The following EGFR variants were observed in gnomAD, a reference collection of about 807,000 sequenced individuals.
The protein encoded by EGFR is epidermal growth factor receptor.
Under a neutral mutation model 143.0 loss-of-function variants are expected in EGFR, and 58 were observed. That is an observed-to-expected ratio of 0.41 (90% confidence interval 0.33 to 0.50). The LOEUF (loss-of-function observed/expected upper bound fraction) is 0.50, where lower values mean the gene tolerates loss of function less well. EGFR is among the 20% of genes least tolerant of loss of function. EGFR has a pLI of 0.39. For synonymous variants in EGFR, 613 were observed against 594.4 expected (o/e 1.03, Z -0.45); for missense variants, 1,307 against 1,579.0 (o/e 0.83, Z 2.92).
chr7:55,045,005 G>A (rs11971773), intron 1 of EGFR, among the ~76,000 whole-genome samples: 7,384 of 152,252 alleles, frequency 0.048, 306 homozygotes, highest in South Asian at 0.16. Flanking sequence ...CATCTAGAAA[G>A]GCATGCAGAC....
Position 55,204,433 on chromosome 7 carries a change from T to C in EGFR, c.3272-823T>C, listed in dbSNP as rs1329885800. Among the ~76,000 whole-genome samples, 11 of 142,058 alleles carry C rather than the reference T, an allele frequency of 7.7e-5. No homozygotes were observed. The Admixed American group carries it at 7.8e-4, about 10-fold the overall frequency. 93.2% of individuals were successfully genotyped at this position (142,058 alleles called of 152,430 possible). A position where few individuals can be genotyped will look rare whatever the true frequency, so the allele number is the denominator to read the frequency against. On this transcript the variant is annotated intron_variant, in intron 27 of 27. Coordinates refer to ENST00000275493, the MANE Select transcript of EGFR (RefSeq NM_005228.5). Reference sequence around the variant, plus strand: ...ACACCACACACCATATGTACACATGTACACACACACCACATATACACACAA... The same window carrying C: ...ACACCACACACCATATGTACACATGCACACACACACCACATATACACACAA...
chr7:55,032,453 C>A (rs556461996), intron 1 of EGFR, among the ~76,000 whole-genome samples: 7 of 152,194 alleles, frequency 4.6e-5, no homozygotes, highest in African/African-American at 1.7e-4. Flanking sequence ...CTATGTAGAA[C>A]GGCACCAGCA....
At chr7:55,175,109 G>A (rs1327294342) in intron 19 of EGFR, among the ~76,000 whole-genome samples, 14 of 152,208 alleles carry the variant, frequency 9.2e-5, no homozygotes, top group Non-Finnish European at 2.1e-4. Flanking sequence ...CTCTTGGTGA[G>A]CCTGGAGCAT....
intron 1 of EGFR, among the ~76,000 whole-genome samples, chr7:55,078,735 G>A (rs567879175): frequency 2.8e-4 from 42 of 152,350 alleles, no homozygotes; most frequent in African/African-American, 9.9e-4. Context: ...GCTGTGCTCA[G>A]GAGGACAGAG....
At chr7:55,120,826 T>C (rs1198905368) in intron 1 of EGFR, among the ~76,000 whole-genome samples, 1 of 152,202 alleles carries the variant, frequency 6.6e-6, no homozygotes, top group African/African-American at 2.4e-5. Flanking sequence ...CCTACAGTTA[T>C]AAAGACATTG....
chr7:55,173,770 T>C, intron 17 of EGFR, 151 bp from the exon 18 acceptor site: 1 of 1,230,398 alleles, frequency 8.1e-7, no homozygotes, highest in Non-Finnish European at 1.2e-6. Flanking sequence ...AGGCGTACAT[T>C]TGTCCTTCCA....
intron 26 of EGFR, among the ~76,000 whole-genome samples, chr7:55,202,173 AAATGTT>A (rs1214466566): frequency 1.3e-5 from 2 of 152,230 alleles, no homozygotes; most frequent in Non-Finnish European, 2.9e-5. Flanking sequence ...ACTTCAACTT[AAATGTT>A]AATGAGTTAA....
intron 19 of EGFR, 24 bp downstream of exon 19, chr7:55,174,844 G>T (rs2128954951): frequency 6.3e-7 from 1 of 1,597,232 alleles, no homozygotes; most frequent in Non-Finnish European, 8.6e-7. Context: ...TTGCTGTGTG[G>T]GGGTCCATGG....
intron 20 of EGFR, among the ~76,000 whole-genome samples, chr7:55,187,514 A>G (rs1273775893): frequency 6.6e-6 from 1 of 152,174 alleles, no homozygotes; most frequent in Non-Finnish European, 1.5e-5. Context: ...CCTGAGCAGC[A>G]GGGTGCCCGT....
chr7:55,149,920 T>TCAC (rs1181955835), intron 4 of EGFR, among the ~76,000 whole-genome samples: 1 of 152,202 alleles, frequency 6.6e-6, no homozygotes, highest in East Asian at 1.9e-4. Flanking sequence ...ACACAATGTA[T>TCAC]AGTGGGATTC....
At chr7:55,157,537 A>C in intron 10 of EGFR, 126 bp from the exon 11 acceptor site, 1 of 826,094 alleles carries the variant, frequency 1.2e-6, no homozygotes, top group South Asian at 1.5e-5. Flanking sequence ...ATGAAAAAGA[A>C]AGCAAATCCA....
chr7:55,159,249 G>A (rs1036973885), intron 11 of EGFR, among the ~76,000 whole-genome samples: 2 of 151,982 alleles, frequency 1.3e-5, no homozygotes, highest in African/African-American at 4.8e-5. Context: ...TCCGGCAGGG[G>A]CTTAGTGGTT....
At chr7:55,037,050 G>T (rs2128867161) in intron 1 of EGFR, among the ~76,000 whole-genome samples, 1 of 152,328 alleles carries the variant, frequency 6.6e-6, no homozygotes, top group African/African-American at 2.4e-5. Flanking sequence ...GTTTGTGGGA[G>T]CTCCCAGGGC....
chr7:55,052,315 A>G (rs1244453349), intron 1 of EGFR, among the ~76,000 whole-genome samples: 1 of 152,126 alleles, frequency 6.6e-6, no homozygotes, highest in Non-Finnish European at 1.5e-5. Context: ...ACAGTTATTC[A>G]TGAGTTAAAT....
chr7:55,127,687 G>T (rs964224272), intron 1 of EGFR, among the ~76,000 whole-genome samples: 1 of 152,166 alleles, frequency 6.6e-6, no homozygotes, highest in Non-Finnish European at 1.5e-5. Context: ...CCCTTATAAA[G>T]ACTTGACAGT....
intron 7 of EGFR, among the ~76,000 whole-genome samples, 187 bp downstream of exon 7, chr7:55,154,339 C>T (rs1020664283): frequency 3.3e-5 from 5 of 152,308 alleles, no homozygotes; most frequent in African/African-American, 7.2e-5. Context: ...TACCGAGGAG[C>T]GGGCAGGTGG....
chr7:55,088,152 C>T (rs1188055584), intron 1 of EGFR, among the ~76,000 whole-genome samples: 1 of 152,178 alleles, frequency 6.6e-6, no homozygotes, highest in Non-Finnish European at 1.5e-5. Context: ...AAAGCCCCCA[C>T]AAAGCCTGAG....
chr7:55,019,361 GA>G lies in EGFR; in HGVS notation c.87del (p.Val30PhefsTer50). 1 of 1,507,756 alleles carries G rather than the reference GA, an allele frequency of 6.6e-7. No homozygotes were observed. The allele number at this position is 1,507,756 out of a possible 1,614,324, so 93.4% of individuals were successfully genotyped here. ...CPASRALEEK[K>X]VCQGTSNKLT... ...CGGCGAGTCGGGCTCTGGAGGAAAA[GA>G]AAGGTAAGGGCGTGTCTCGCCGGCT... On this transcript the variant is annotated frameshift_variant, in exon 1 of 28. Coordinates refer to ENST00000275493, the MANE Select transcript of EGFR (RefSeq NM_005228.5). LOFTEE classifies it high-confidence loss of function.
intron 1 of EGFR, among the ~76,000 whole-genome samples, chr7:55,052,712 A>G (rs1788559940): frequency 6.6e-6 from 1 of 152,214 alleles, no homozygotes; most frequent in Non-Finnish European, 1.5e-5. Flanking sequence ...TTTTGCTCAC[A>G]GTGGTTGACA....
Sources: gnomAD v4.1 joint callset for allele counts (sites outside exome capture counted in the v4.1 genomes callset) on GRCh38, gnomAD v4.1.1 for gene constraint, MANE v1.5 for transcripts, NCBI Gene and HGNC (gene_info 2026-07-23, HGNC 2026-07-21) for gene names.